Variants in GNAO1 observed in about 807,000 individuals in gnomAD.
The protein encoded by GNAO1 is guanine nucleotide-binding protein G(o) subunit alpha.
For missense variants in GNAO1, 166 were observed against 478.7 expected (o/e 0.35, Z 6.10); for synonymous variants, 164 against 180.7 (o/e 0.91, Z 0.74).
chr16:56,281,512 C>T (rs2037114204), intron 3 of GNAO1, among the ~76,000 whole-genome samples: 2 of 151,554 alleles, frequency 1.3e-5, no homozygotes, highest in Non-Finnish European at 2.9e-5. Flanking sequence ...TCTCCCTTTC[C>T]CCTCCCCTTC....
intron 2 of GNAO1, among the ~76,000 whole-genome samples, chr16:56,231,340 C>G (rs1470474373): frequency 4.6e-5 from 7 of 152,234 alleles, no homozygotes; most frequent in Admixed American, 3.9e-4. Flanking sequence ...TTCCAAGAGG[C>G]CTTCCATGAC....
chr16:56,346,872 C>T (rs2037875499), intron 6 of GNAO1: 1 of 985,494 alleles, frequency 1.0e-6, no homozygotes, highest in Middle Eastern at 5.2e-4. Flanking sequence ...TGTCTATAAA[C>T]CCCAGCAGGG....
intron 3 of GNAO1, among the ~76,000 whole-genome samples, chr16:56,325,916 G>C (rs1481081580): frequency 1.3e-5 from 2 of 152,148 alleles, no homozygotes; most frequent in Non-Finnish European, 2.9e-5. Flanking sequence ...GCGACTCTGG[G>C]GCCACATTCT....
intron 3 of GNAO1, among the ~76,000 whole-genome samples, chr16:56,297,339 G>T (rs756259744): frequency 6.6e-6 from 1 of 151,896 alleles, no homozygotes; most frequent in Admixed American, 6.6e-5. Flanking sequence ...CTTGACCCCC[G>T]GTTGCAGACA....
chr16:56,355,152 A>C, intron 8 of GNAO1, 71 bp downstream of exon 8: 1 of 546,348 alleles, frequency 1.8e-6, no homozygotes, highest in Non-Finnish European at 3.2e-6. Flanking sequence ...ACACACACAC[A>C]CACCACTAAC....
intron 3 of GNAO1, among the ~76,000 whole-genome samples, chr16:56,312,699 C>T (rs2037472545): frequency 6.6e-6 from 1 of 152,236 alleles, no homozygotes; most frequent in South Asian, 2.1e-4. Flanking sequence ...GAGAATGAGC[C>T]GCACCTCTGC....
chr16:56,233,218 T>TA (rs2036607074), intron 2 of GNAO1, among the ~76,000 whole-genome samples: 2 of 152,232 alleles, frequency 1.3e-5, no homozygotes, highest in African/African-American at 4.8e-5. Flanking sequence ...AGCCGATACT[T>TA]ACCTGTTACT....
At chr16:56,346,272 G>A in intron 6 of GNAO1, 1 of 985,476 alleles carries the variant, frequency 1.0e-6, no homozygotes, top group South Asian at 4.7e-5. Context: ...TGACAAATGA[G>A]ATTTGGCTCC....
chr16:56,357,215 C>T lies in GNAO1; in HGVS notation c.*1141C>T, dbSNP rs1226298121. 1 of 151,272 alleles carries T rather than the reference C, an allele frequency of 6.6e-6. No individual in the cohort carries two copies. Among genetic ancestry groups the T allele is most frequent in the Non-Finnish European group, 1.5e-5 (1 of 67,904 alleles). 9.4% of individuals were successfully genotyped at this position (151,272 alleles called of 1,614,324 possible). On this transcript the variant is annotated 3_prime_UTR_variant, in exon 9 of 9. Transcript: ENST00000262493. ...AAGACTTAATCTTTGCTGAAGAAGA[C>T]CAGTCACAGCCATTTCAAATAAAGA...
intron 2 of GNAO1, among the ~76,000 whole-genome samples, chr16:56,211,654 G>T (rs1257763348): frequency 2.6e-5 from 4 of 152,226 alleles, no homozygotes; most frequent in Non-Finnish European, 5.9e-5. Context: ...ATTAGGAGTT[G>T]CTCTGGGCAT....
chr16:56,338,606 G>C (rs1441494073), intron 6 of GNAO1, among the ~76,000 whole-genome samples: 3 of 152,384 alleles, frequency 2.0e-5, no homozygotes, highest in South Asian at 4.1e-4. Context: ...CAGGAAGCCA[G>C]GAGGGCCCTT....
chr16:56,193,723 T>C lies in GNAO1; in HGVS notation c.161+1107T>C, dbSNP rs1458474405. ...CTGGTGATCCCACAGGCAGGTTTGC[T>C]TGGGGAGGGGGTGGCCGGCAGCGAA... On this transcript the variant is annotated intron_variant, in intron 2 of 8. Coordinates refer to ENST00000262493, the MANE Select transcript of GNAO1 (RefSeq NM_020988.3). 2.6e-5 allele frequency: 6 copies of C among 235,276 alleles called. No individual in the cohort carries two copies. The East Asian group carries it at 6.5e-4, about 25-fold the overall frequency. 14.6% of individuals were successfully genotyped at this position (235,276 alleles called of 1,614,324 possible).
In GNAO1 at chr16:56,226,894, C is replaced by G. The variant is rs1047374919; in HGVS notation, c.161+34278C>G. ...GCCGAATCATTGCCCACACTGCCCT[C>G]CAGAAAGCATCCCACTCTTAGCTTG... On this transcript the variant is annotated intron_variant, in intron 2 of 8. Coordinates refer to ENST00000262493, the MANE Select transcript of GNAO1 (RefSeq NM_020988.3). Among the ~76,000 whole-genome samples, 79 of 152,324 alleles carry G rather than the reference C, an allele frequency of 5.2e-4. 2 individuals are homozygous for G. The highest frequency in any genetic ancestry group is 2.1e-4 in the South Asian group (1 of 4,828).
intron 6 of GNAO1, chr16:56,340,472 G>A (rs9930839): frequency 0.056 from 11,925 of 213,238 alleles, 389 homozygotes; most frequent in Middle Eastern, 0.081. Context: ...GCGCAGATGC[G>A]TTCGGTGGTG....
At chr16:56,324,588 G>T (rs1413021830) in intron 3 of GNAO1, among the ~76,000 whole-genome samples, 1 of 152,222 alleles carries the variant, frequency 6.6e-6, no homozygotes, top group Non-Finnish European at 1.5e-5. Context: ...CCAGGTGGAG[G>T]CGCCACCCCT....
chr16:56,275,909 G>T, intron 2 of GNAO1, 22 bp from the exon 3 acceptor site: 1 of 1,606,186 alleles, frequency 6.2e-7, no homozygotes, highest in Non-Finnish European at 8.5e-7. Context: ...CATCAGGTGT[G>T]GTGTGTGTGG....
At chr16:56,272,515 C>T (rs907498881) in intron 2 of GNAO1, among the ~76,000 whole-genome samples, 1 of 152,188 alleles carries the variant, frequency 6.6e-6, no homozygotes, top group Non-Finnish European at 1.5e-5. Context: ...TTTCTGCAAA[C>T]TGCAAATGAA....
At chr16:56,335,042 G>C (rs1395658420) in intron 5 of GNAO1, among the ~76,000 whole-genome samples, 185 bp downstream of exon 5, 1 of 152,270 alleles carries the variant, frequency 6.6e-6, no homozygotes, top group African/African-American at 2.4e-5. Context: ...GCTGGAGTGA[G>C]CAGGGAGGCT....
At chr16:56,202,949 G>A (rs190176487) in intron 2 of GNAO1, among the ~76,000 whole-genome samples, 150 of 152,314 alleles carry the variant, frequency 9.8e-4, no homozygotes, top group African/African-American at 3.5e-3. Flanking sequence ...ACAATCGGAC[G>A]CAGTAATTGC....
Sources: allele counts gnomAD v4.1 joint callset (sites outside exome capture counted in the v4.1 genomes callset), GRCh38; gene constraint gnomAD v4.1.1; transcripts MANE v1.5; gene names NCBI Gene and HGNC (gene_info 2026-07-23, HGNC 2026-07-21).